Variants in FGGY observed in about 807,000 individuals in gnomAD.
The protein encoded by FGGY is FGGY carbohydrate kinase domain containing.
FGGY carries 72 observed loss-of-function variants against 71.3 expected under a neutral mutation model. The ratio of observed to expected loss-of-function variants is 1.01; its 90% CI spans 0.84 to 1.23. The LOEUF (loss-of-function observed/expected upper bound fraction) is 1.23. Ranked by LOEUF, FGGY falls within the 50% of genes most tolerant of loss-of-function variation. The probability of loss-of-function intolerance (pLI) is 0.00; values close to 1 mark genes in which losing one functional copy is unlikely to be tolerated. For synonymous variants in FGGY, 251 were observed against 250.3 expected (o/e 1.00, Z -0.02); for missense variants, 668 against 682.3 (o/e 0.98, Z 0.23).
At chr1:59,506,189 G>A (rs2094376002) in intron 6 of FGGY, among the ~76,000 whole-genome samples, 1 of 152,100 alleles carries the variant, frequency 6.6e-6, no homozygotes, top group African/African-American at 2.4e-5. Context: ...ACGTAAGATT[G>A]TTTTGATCAC....
chr1:59,506,767 C>G (rs542945031), intron 6 of FGGY, among the ~76,000 whole-genome samples: 19 of 151,980 alleles, frequency 1.3e-4, no homozygotes, highest in South Asian at 4.2e-4. Context: ...CCACTGCACT[C>G]CATCCTGGGC....
intron 14 of FGGY, among the ~76,000 whole-genome samples, chr1:59,686,636 G>A (rs150423116): frequency 6.6e-6 from 1 of 151,628 alleles, no homozygotes; most frequent in African/African-American, 2.4e-5. Context: ...GAGTGTTCTA[G>A]GCTCTCAGCC....
intron 9 of FGGY, among the ~76,000 whole-genome samples, chr1:59,612,565 A>C (rs1030732164): frequency 6.6e-5 from 10 of 152,238 alleles, no homozygotes; most frequent in Non-Finnish European, 7.3e-5. Context: ...AAGACCATCA[A>C]GGCTGGGAAG....
intron 8 of FGGY, among the ~76,000 whole-genome samples, chr1:59,561,546 G>A (rs2095793631): frequency 6.6e-6 from 1 of 152,104 alleles, no homozygotes; most frequent in South Asian, 2.1e-4. Context: ...CTGAACCCAG[G>A]CAGTAGCACC....
At chr1:59,743,892 T>G (rs1430428427) in intron 14 of FGGY, among the ~76,000 whole-genome samples, 2 of 152,238 alleles carry the variant, frequency 1.3e-5, no homozygotes, top group African/African-American at 4.8e-5. Flanking sequence ...TCAGCTGATA[T>G]TCAATGTTGA....
intron 15 of FGGY, among the ~76,000 whole-genome samples, chr1:59,758,649 T>C (rs2098314879): frequency 6.6e-6 from 1 of 152,096 alleles, no homozygotes; most frequent in Non-Finnish European, 1.5e-5. Flanking sequence ...TTGTAAGAAA[T>C]TGGTAGACAG....
chr1:59,310,861 T>A (rs539605893), intron 1 of FGGY, among the ~76,000 whole-genome samples: 7 of 152,096 alleles, frequency 4.6e-5, no homozygotes, highest in Non-Finnish European at 8.8e-5. Context: ...AGGAAGAAAG[T>A]TTTTTAGGGT....
chr1:59,653,786 C>G (rs1036680420), intron 11 of FGGY, among the ~76,000 whole-genome samples: 2 of 152,170 alleles, frequency 1.3e-5, no homozygotes, highest in African/African-American at 2.4e-5. Context: ...CTCCTGCCAC[C>G]ATCTTTTAAG....
intron 4 of FGGY, 54 bp from the exon 5 acceptor site, chr1:59,378,695 A>G: frequency 6.7e-7 from 1 of 1,496,818 alleles, no homozygotes; most frequent in Non-Finnish European, 9.2e-7. Flanking sequence ...TTATTGAAAG[A>G]GGAGATGGTA....
At chr1:59,483,095 A>G (rs1286434635) in intron 6 of FGGY, among the ~76,000 whole-genome samples, 2 of 152,146 alleles carry the variant, frequency 1.3e-5, no homozygotes, top group East Asian at 1.9e-4. Flanking sequence ...GGAGTAGATG[A>G]TCTCTCAGTG....
chr1:59,686,426 T>C (rs1437842541), intron 14 of FGGY, among the ~76,000 whole-genome samples: 1 of 152,210 alleles, frequency 6.6e-6, no homozygotes, highest in African/African-American at 2.4e-5. Flanking sequence ...ACTGCTGAAC[T>C]TGGCATCCTC....
chr1:59,651,744 C>T (rs980831993), intron 11 of FGGY, among the ~76,000 whole-genome samples: 15 of 150,472 alleles, frequency 1.0e-4, no homozygotes, highest in Non-Finnish European at 1.9e-4. Context: ...AGAATTTAGT[C>T]CATTTACATT....
At chr1:59,324,304 T>C (rs1443875432) in intron 2 of FGGY, among the ~76,000 whole-genome samples, 25 of 121,142 alleles carry the variant, frequency 2.1e-4, no homozygotes, top group Non-Finnish European at 3.9e-4. Flanking sequence ...TGAGACGGAG[T>C]CTCGCTCTGT....
intron 5 of FGGY, among the ~76,000 whole-genome samples, chr1:59,382,044 C>G (rs978603731): frequency 6.6e-6 from 1 of 152,116 alleles, no homozygotes; most frequent in African/African-American, 2.4e-5. Context: ...CAGGTCTTCT[C>G]ATCTTGAAAA....
intron 7 of FGGY, among the ~76,000 whole-genome samples, chr1:59,538,379 C>A (rs969248192): frequency 1.3e-5 from 2 of 151,888 alleles, no homozygotes; most frequent in African/African-American, 4.8e-5. Flanking sequence ...AATAGGAACA[C>A]TTTTACACTG....
chr1:59,325,217 T>C (rs113276778), intron 2 of FGGY, among the ~76,000 whole-genome samples: 5 of 150,384 alleles, frequency 3.3e-5, no homozygotes, highest in African/African-American at 7.3e-5. Context: ...ATTAACCAGG[T>C]GTGGTGGCGG....
intron 5 of FGGY, among the ~76,000 whole-genome samples, chr1:59,430,775 A>G (rs1374547668): frequency 6.6e-6 from 1 of 152,158 alleles, no homozygotes; most frequent in Non-Finnish European, 1.5e-5. Context: ...ATGCCTTCCC[A>G]TGATTTCAGA....
intron 4 of FGGY, among the ~76,000 whole-genome samples, chr1:59,372,140 G>T (rs1479285336): frequency 6.6e-6 from 1 of 151,962 alleles, no homozygotes; most frequent in African/African-American, 2.4e-5. Context: ...TTTTTGAAAG[G>T]ATCAACAAAA....
intron 11 of FGGY, among the ~76,000 whole-genome samples, chr1:59,650,241 G>T (rs1169371155): frequency 6.9e-6 from 1 of 145,840 alleles, no homozygotes; most frequent in Non-Finnish European, 1.5e-5. Context: ...GCCAGGGTTT[G>T]GTATCAGGAT....
Sources: allele counts gnomAD v4.1 joint callset (sites outside exome capture counted in the v4.1 genomes callset), GRCh38; gene constraint gnomAD v4.1.1; transcripts MANE v1.5; gene names NCBI Gene and HGNC (gene_info 2026-07-23, HGNC 2026-07-21).